Variants in AHNAK observed in about 807,000 individuals in gnomAD.
AHNAK encodes the protein AHNAK nucleoprotein.
Under a neutral mutation model 37.8 loss-of-function variants are expected in AHNAK, and 23 were observed. The ratio of observed to expected loss-of-function variants is 0.61; its 90% confidence interval spans 0.44 to 0.86. AHNAK has a LOEUF of 0.86. Among genes scored for constraint, AHNAK ranks in the 40% least tolerant of loss-of-function variants. The pLI is 0.00. For synonymous variants in AHNAK, 2,481 were observed against 2,636.3 expected (o/e 0.94, Z 1.80); for missense variants, 7,411 against 7,319.4 (o/e 1.01, Z -0.46).
intron 5 of AHNAK, among the ~76,000 whole-genome samples, chr11:62,458,219 G>GA (rs1400607394): frequency 6.6e-6 from 1 of 152,098 alleles, no homozygotes; most frequent in African/African-American, 2.4e-5. Flanking sequence ...CACTGGGCCT[G>GA]AAAAGCTGAA....
Position 62,520,708 on chromosome 11 carries a change from T to C in AHNAK, c.13709A>G (p.His4570Arg). 6.2e-7 allele frequency: 1 copy of C among 1,614,136 alleles called. No homozygotes were observed. Among genetic ancestry groups the C allele is most frequent in the Non-Finnish European group, 8.5e-7 (1 of 1,180,024 alleles). The change falls in exon 5 of 5, where the codon CAT becomes CGT. Residue 4570 changes from histidine (H) to arginine (R), a missense_variant. By Grantham distance (29) the His-to-Arg change is conservative (BLOSUM62 0). Coordinates refer to ENST00000378024, the MANE Select transcript of AHNAK (RefSeq NM_001620.3). ...GCCCTTCAGTTTCCCTTCTGGACCA[T>C]GAATGTCAATATCAGGAGTGTCAAT... ...VGIDTPDIDIHGPEGKLKGPK... is the reference protein window; with the variant it reads ...VGIDTPDIDIRGPEGKLKGPK...
intron 4 of AHNAK, 146 bp downstream of exon 4, chr11:62,534,857 A>T: frequency 1.2e-6 from 1 of 820,418 alleles, no homozygotes; most frequent in Non-Finnish European, 1.9e-6. Context: ...AGGGTGGCCA[A>T]GGGCTCAAGA....
chr11:62,525,206 C>G lies in AHNAK; in HGVS notation c.9211G>C (p.Glu3071Gln), dbSNP rs1443643525. The G allele has an allele frequency of 6.2e-7, 1 of 1,611,992 alleles. No individual in the cohort carries two copies. The change falls in exon 5 of 5, where the codon GAG (glutamate) becomes CAG (glutamine). Residue 3071 changes from glutamate (E) to glutamine (Q), a missense_variant. By Grantham distance (29) the Glu-to-Gln change is conservative. Coordinates refer to ENST00000378024, the MANE Select transcript of AHNAK (RefSeq NM_001620.3). ...AATTTGGGACCTTTCAACTTTCCCT[C>G]TGGGCCTTCGATATTCACATCTGGA... ...DVPDVNIEGPEGKLKGPKFKM... is the reference protein window; with the variant it reads ...DVPDVNIEGPQGKLKGPKFKM...
chr11:62,447,710 C>T (rs1307775604), intron 5 of AHNAK, among the ~76,000 whole-genome samples: 2 of 152,126 alleles, frequency 1.3e-5, no homozygotes, highest in African/African-American at 4.8e-5. Context: ...CTTGACAGCC[C>T]CTCTGCCCAC....
In AHNAK at chr11:62,433,965, G is replaced by A. The variant is rs552773910; in HGVS notation, c.443-74C>T. The stretch of plus-strand genomic sequence containing the variant: ...TCTCCATAAAATCAGAAGATGGTTC[G>A]TTAACTTTGCACCAACTGAAAGAAG... On this transcript the variant is annotated intron_variant, in intron 5 of 5. Coordinates refer to the AHNAK transcript ENST00000257247. 8 of 1,583,416 alleles carry A rather than the reference G, an allele frequency of 5.1e-6. No individual in the cohort carries two copies. The East Asian group carries it at 1.1e-4, about 22-fold the overall frequency.
At chr11:62,433,769 C>A in exon 6 of AHNAK, 1 of 1,433,390 alleles carries the variant, frequency 7.0e-7, no homozygotes, top group Non-Finnish European at 9.8e-7. Context: ...CCTTTAACTG[C>A]AGGTGTTTGT....
chr11:62,473,348 C>T (rs866363016), intron 5 of AHNAK, among the ~76,000 whole-genome samples: 10 of 132,124 alleles, frequency 7.6e-5, no homozygotes, highest in African/African-American at 2.9e-4. Flanking sequence ...CGAGATCATG[C>T]CATTGCACTC....
chr11:62,501,212 AC>A (rs1939706636), intron 4 of AHNAK, among the ~76,000 whole-genome samples: 1 of 151,980 alleles, frequency 6.6e-6, no homozygotes, highest in Admixed American at 6.6e-5. Flanking sequence ...AAAAAAAAAA[AC>A]AATTTTATCC....
In AHNAK at chr11:62,518,366, C is replaced by T. The variant is rs774865758; in HGVS notation, c.16051G>A (p.Asp5351Asn). ...CCAACGTTAAGCTTTGTTGTGGCAT[C>T]GATCCCTGGCACTTTCACACCGTCT... ...GGDGVKVPGI[D>N]ATTKLNVGAP... Residue 5351 changes from aspartate to asparagine, a missense_variant, in exon 5 of 5, where the codon GAT becomes AAT. By Grantham distance (23) the Asp-to-Asn change is conservative. Transcript: ENST00000378024. 1.5e-5 allele frequency: 24 copies of T among 1,614,130 alleles called. No individual in the cohort carries two copies. Among genetic ancestry groups the T allele is most frequent in the Non-Finnish European group, 1.8e-5 (21 of 1,180,034 alleles).
chr11:62,528,292 G>C lies in AHNAK; in HGVS notation c.6125C>G (p.Pro2042Arg). 1 of 1,614,100 alleles carries C rather than the reference G, an allele frequency of 6.2e-7. No homozygotes were observed. Among genetic ancestry groups the C allele is most frequent in the Admixed American group, 1.7e-5 (1 of 60,014 alleles). The change falls in exon 5 of 5, where the codon CCA becomes CGA. Residue 2042 changes from proline to arginine, a missense_variant. Physicochemically the swap from Pro to Arg is moderately radical, Grantham distance 103. Coordinates refer to ENST00000378024, the MANE Select transcript of AHNAK (RefSeq NM_001620.3). Reference protein sequence around the residue: ...IDAPDVDVHGPDWHLKMPKMK... With the variant: ...IDAPDVDVHGRDWHLKMPKMK... ...CTTGGGCATCTTCAGGTGCCAGTCT[G>C]GGCCATGAACATCCACATCTGGGGC...
At chr11:62,457,588 C>T (rs1334042676) in intron 5 of AHNAK, among the ~76,000 whole-genome samples, 2 of 152,168 alleles carry the variant, frequency 1.3e-5, no homozygotes, top group African/African-American at 4.8e-5. Flanking sequence ...AAGATCAAGC[C>T]ACCACACTCC....
chr11:62,521,688 A>C lies in AHNAK; in HGVS notation c.12729T>G (p.Pro4243=), dbSNP rs745617995. 21 of 1,612,754 alleles carry C rather than the reference A, an allele frequency of 1.3e-5. No individual in the cohort carries two copies. The Middle Eastern group carries it at 1.7e-3, about 127-fold the overall frequency. ...IEGPDAKLKG[P]KFKMPEMNIK... is the part of the protein sequence containing the mutation. ...TGTTCATCTCAGGCATCTTGAATTTAGGGCCCTTTAGTTTCGCATCTGGAC... is the reference window on the plus strand; with the variant it reads ...TGTTCATCTCAGGCATCTTGAATTTCGGGCCCTTTAGTTTCGCATCTGGAC... The change falls in exon 5 of 5, where the codon CCT becomes CCG. Residue 4243 remains proline (P), a synonymous_variant. Coordinates refer to ENST00000378024, the MANE Select transcript of AHNAK (RefSeq NM_001620.3).
At chr11:62,496,700 CAGG>C (rs1939615700) in intron 4 of AHNAK, among the ~76,000 whole-genome samples, 1 of 151,982 alleles carries the variant, frequency 6.6e-6, no homozygotes, top group Non-Finnish European at 1.5e-5. Flanking sequence ...TAGGCTGAGG[CAGG>C]AGAATTGCTT....
rs745647474 is a variant in AHNAK, at chr11:62,517,921, G to A, written c.16496C>T (p.Ser5499Phe). ...EGNLQMPGIK[S>F]SGCDVNLPGV... ...TGGCAGGTTCACATCACATCCAGAG[G>A]ACTTAATTCCAGGCATCTGGAGGTT... The change falls in exon 5 of 5, where the codon TCC (serine) becomes TTC (phenylalanine). Residue 5499 changes from serine to phenylalanine, a missense_variant. Coordinates refer to ENST00000378024, the MANE Select transcript of AHNAK (RefSeq NM_001620.3). 9 of 1,614,146 alleles carry A rather than the reference G, an allele frequency of 5.6e-6. No individual in the cohort carries two copies. The highest frequency in any genetic ancestry group is 6.8e-6 in the Non-Finnish European group (8 of 1,180,028).
In AHNAK at chr11:62,444,488, G is replaced by A. The variant is rs146899304; in HGVS notation, c.443-10597C>T. 4.6e-3 allele frequency among the ~76,000 whole-genome samples: 696 copies of A among 152,376 alleles called. 6 individuals are homozygous for A. Among genetic ancestry groups the A allele is most frequent in the African/African-American group, 0.016 (666 of 41,590 alleles). On this transcript the variant is annotated intron_variant, in intron 5 of 5. Transcript: ENST00000257247. Reference sequence around the variant, plus strand: ...ATTCTGCTTTCTCTCAGCTCTGTCTGCCAGGAGATTAGGCAGGGTTGGCTG... The same window carrying A: ...ATTCTGCTTTCTCTCAGCTCTGTCTACCAGGAGATTAGGCAGGGTTGGCTG...
chr11:62,491,916 A>T, intron 4 of AHNAK: 1 of 1,257,568 alleles, frequency 8.0e-7, no homozygotes, highest in Admixed American at 2.1e-5. Flanking sequence ...ATGGGTGTAT[A>T]AAATACCAGA....
At chr11:62,482,372 G>A (rs909762620) in intron 5 of AHNAK, among the ~76,000 whole-genome samples, 10 of 151,320 alleles carry the variant, frequency 6.6e-5, no homozygotes, top group South Asian at 2.1e-4. Flanking sequence ...CTGAGATCGC[G>A]CCACTGCACT....
chr11:62,481,652 ACTGCAAGCTCCGC>A (rs139494709), intron 5 of AHNAK, among the ~76,000 whole-genome samples: 8,667 of 151,786 alleles, frequency 0.057, 850 homozygotes, highest in African/African-American at 0.2. Context: ...ATCTTGGCTC[ACTGCAAGCTCCGC>A]CTCCCGGGTT....
chr11:62,475,025 G>A (rs1484764796), intron 5 of AHNAK, among the ~76,000 whole-genome samples: 5 of 152,184 alleles, frequency 3.3e-5, no homozygotes, highest in South Asian at 4.1e-4. Flanking sequence ...ACCCTGGGCC[G>A]GGCACGGTGG....
Sources: gnomAD v4.1 joint callset for allele counts (sites outside exome capture counted in the v4.1 genomes callset) on GRCh38, gnomAD v4.1.1 for gene constraint, MANE v1.5 for transcripts, NCBI Gene and HGNC (gene_info 2026-07-23, HGNC 2026-07-21) for gene names.